Variants in RNF24 observed in about 807,000 individuals in gnomAD.
RNF24 encodes the protein ring finger protein 24.
A neutral mutation model predicts 20.0 loss-of-function variants in RNF24; 14 were observed. That is an observed-to-expected ratio of 0.70 (90% CI 0.46 to 1.10). The LOEUF (loss-of-function observed/expected upper bound fraction) is 1.10, where lower values mean the gene tolerates loss of function less well. RNF24 is among the 50% of genes least tolerant of loss of function. The probability of loss-of-function intolerance (pLI) is 0.00; values close to 1 mark genes in which losing one functional copy is unlikely to be tolerated. For missense variants in RNF24, 124 were observed against 177.6 expected (o/e 0.70, Z 1.71); for synonymous variants, 45 against 61.1 (o/e 0.74, Z 1.23).
rs1273518479 is a variant in RNF24 at position 3,945,225 on chromosome 20, G to A, written c.187-7C>T. ...CTTTCTCTTTTAATATAACCTGTAA[G>A]ACAAAAAAGTATGTTCTTATGCCCA... On this transcript the variant is annotated splice_polypyrimidine_tract_variant and splice_region_variant and intron_variant, in intron 3 of 5. Coordinates refer to ENST00000358395, the MANE Select transcript of RNF24 (RefSeq NM_001134337.3). The A allele has an allele frequency of 6.3e-7, 1 of 1,584,354 alleles. No homozygotes were observed. Among genetic ancestry groups the A allele is most frequent in the Admixed American group, 1.8e-5 (1 of 54,118 alleles).
At chr20:4,015,306 A>AGT (rs1293270479) in intron 1 of RNF24, 131 bp downstream of exon 1, 13 of 150,588 alleles carry the variant, frequency 8.6e-5, no homozygotes, top group Admixed American at 2.0e-4. Flanking sequence ...GCGCCGGGAG[A>AGT]GTGTGTGTGT....
chr20:3,937,058 C>T (rs1349096966), intron 4 of RNF24, among the ~76,000 whole-genome samples: 2 of 152,078 alleles, frequency 1.3e-5, no homozygotes, highest in East Asian at 1.9e-4. Context: ...AAGATGCTCT[C>T]GATCTCTTGA....
At chr20:3,961,503 A>G (rs1261906133) in intron 2 of RNF24, among the ~76,000 whole-genome samples, 2 of 152,172 alleles carry the variant, frequency 1.3e-5, no homozygotes, top group Non-Finnish European at 1.5e-5. Context: ...CAATGAGGTA[A>G]AAGGGTGTTT....
chr20:3,933,077 T>C lies in RNF24; in HGVS notation c.*986A>G, dbSNP rs2090844254. ...TGAATGACAGGCTTTTTTTTTTTTT[T>C]TTTTTTTTTTCTGAAGTAGAAAGAG... On this transcript the variant is annotated 3_prime_UTR_variant, in exon 6 of 6. Transcript: ENST00000358395. 1 of 395,446 alleles carries C rather than the reference T, an allele frequency of 2.5e-6. No homozygotes were observed. Among genetic ancestry groups the C allele is most frequent in the Non-Finnish European group, 4.4e-6 (1 of 225,292 alleles). 24.5% of individuals were successfully genotyped at this position (395,446 alleles called of 1,614,324 possible).
At chr20:3,997,388 T>C (rs949695978) in intron 1 of RNF24, among the ~76,000 whole-genome samples, 5 of 152,078 alleles carry the variant, frequency 3.3e-5, no homozygotes, top group Non-Finnish European at 5.9e-5. Context: ...CCATTTAGAA[T>C]AACAGATCAT....
chr20:3,994,641 C>T (rs1568659834), intron 1 of RNF24, among the ~76,000 whole-genome samples: 1 of 152,130 alleles, frequency 6.6e-6, no homozygotes, highest in East Asian at 1.9e-4. Context: ...AACCAAACCC[C>T]TGGGAAAGGT....
chr20:3,994,788 T>C (rs1301749927), intron 1 of RNF24, among the ~76,000 whole-genome samples: 2 of 152,322 alleles, frequency 1.3e-5, no homozygotes, highest in East Asian at 3.9e-4. Flanking sequence ...TGGTGAATTC[T>C]TAGTTACCCA....
chr20:3,935,153 G>T, intron 4 of RNF24, 80 bp from the exon 5 acceptor site: 1 of 1,133,924 alleles, frequency 8.8e-7, no homozygotes. Flanking sequence ...GGCTCCTAAA[G>T]GCTCAACCGT....
intron 1 of RNF24, among the ~76,000 whole-genome samples, chr20:3,983,807 G>T (rs962576342): frequency 4.6e-5 from 7 of 151,836 alleles, no homozygotes; most frequent in Non-Finnish European, 8.8e-5. Context: ...TGGGCATGGT[G>T]ATGTGCACCT....
intron 4 of RNF24, among the ~76,000 whole-genome samples, chr20:3,935,586 C>T (rs2090880915): frequency 6.6e-6 from 1 of 152,198 alleles, no homozygotes; most frequent in Non-Finnish European, 1.5e-5. Context: ...TGGCACTGTC[C>T]TTCTGTCAGT....
intron 1 of RNF24, among the ~76,000 whole-genome samples, chr20:3,987,384 G>C (rs1297619843): frequency 6.6e-6 from 1 of 152,158 alleles, no homozygotes; most frequent in Non-Finnish European, 1.5e-5. Flanking sequence ...TTAGAAAAAA[G>C]CTGATTTAGT....
rs758760642 is a variant in RNF24, at chr20:3,963,940, A to T, written c.78T>A (p.Ile26=). 1 of 1,612,452 alleles carries T rather than the reference A, an allele frequency of 6.2e-7. No homozygotes were observed. The highest frequency in any genetic ancestry group is 8.5e-7 in the Non-Finnish European group (1 of 1,178,828). The change falls in exon 2 of 6, where the codon ATT becomes ATA. Residue 26 remains isoleucine, a synonymous_variant. Transcript: ENST00000358395. ...CAAATATAGCAGTACCAAAAACCAC[A>T]ATATATATGTTGAGAGGCAGATTCT... ...GFQNLPLNIY[I]VVFGTAIFVF...
intron 1 of RNF24, among the ~76,000 whole-genome samples, chr20:3,965,408 A>T (rs1406727064): frequency 1.8e-4 from 27 of 152,176 alleles, no homozygotes; most frequent in African/African-American, 6.0e-4. Context: ...GTCTCTAGTA[A>T]CATATATCAG....
chr20:3,970,802 T>C (rs981069596), intron 1 of RNF24, among the ~76,000 whole-genome samples: 2 of 152,120 alleles, frequency 1.3e-5, no homozygotes, highest in African/African-American at 2.4e-5. Flanking sequence ...TCCCAGCACT[T>C]TGGGAGGCCA....
chr20:3,965,869 CACACCTGTAA>C (rs1437380148), intron 1 of RNF24, among the ~76,000 whole-genome samples: 1 of 152,140 alleles, frequency 6.6e-6, no homozygotes, highest in Non-Finnish European at 1.5e-5. Context: ...TGCAGTGGCT[CACACCTGTAA>C]TCCCAGCACT....
chr20:3,934,430 C>T lies in RNF24; in HGVS notation c.309-229G>A, dbSNP rs73610120. Among the ~76,000 whole-genome samples, 12 of 152,266 alleles carry T rather than the reference C, an allele frequency of 7.9e-5. No homozygotes were observed. In the East Asian group the frequency reaches 9.7e-4, roughly 12 times the overall value. On this transcript the variant is annotated intron_variant, in intron 5 of 5. Coordinates refer to ENST00000358395, the MANE Select transcript of RNF24 (RefSeq NM_001134337.3). The surrounding 1 kb of genome is among the most constrained non-coding windows in gnomAD (Gnocchi z 4.0). The stretch of plus-strand genomic sequence containing the variant: ...AATCCCCTCTTCCTTCCAGAGCCTC[C>T]CATCTTCCACGTGTGAAGCCACAGA...
At chr20:4,010,857 T>C (rs550767935) in intron 1 of RNF24, among the ~76,000 whole-genome samples, 1 of 152,308 alleles carries the variant, frequency 6.6e-6, no homozygotes, top group South Asian at 2.1e-4. Flanking sequence ...CTTGCAGCTG[T>C]GCTCTTAAAA....
chr20:3,956,086 T>C (rs554753204), intron 2 of RNF24, among the ~76,000 whole-genome samples: 1 of 152,122 alleles, frequency 6.6e-6, no homozygotes. Context: ...CAAATGGAGA[T>C]AGTTACTTCT....
intron 1 of RNF24, among the ~76,000 whole-genome samples, chr20:3,996,638 C>G (rs1029957209): frequency 3.9e-5 from 6 of 152,166 alleles, no homozygotes; most frequent in African/African-American, 1.2e-4. Context: ...CCTAGCCTTC[C>G]TTGCAGCTGT....
Sources: gnomAD v4.1 joint callset for allele counts (sites outside exome capture counted in the v4.1 genomes callset) on GRCh38, gnomAD v4.1.1 for gene constraint, Gnocchi (gnomAD v3.1) non-coding constraint, MANE v1.5 for transcripts, NCBI Gene and HGNC (gene_info 2026-07-23, HGNC 2026-07-21) for gene names.